CLEC2B: variants seen among roughly 807,000 people sequenced by gnomAD.
CLEC2B encodes C-type (calcium dependent, carbohydrate-recognition domain) lectin, superfamily member 2 (activation-induced).
CLEC2B carries 14 observed loss-of-function variants against 16.2 expected under a neutral mutation model. That is an observed-to-expected ratio of 0.86 (90% confidence interval 0.57 to 1.35). CLEC2B has a LOEUF of 1.35. CLEC2B is among the 40% of genes most tolerant of loss of function. The pLI, the probability that CLEC2B is intolerant of heterozygous loss-of-function variation, is 0.00. For synonymous variants in CLEC2B, 42 were observed against 55.8 expected, an observed-to-expected ratio of 0.75 and a Z score of 1.10; for missense variants, 166 against 182.3, an observed-to-expected ratio of 0.91 and a Z score of 0.52.
At chr12:9,857,401 T>A in intron 3 of CLEC2B, 73 bp downstream of exon 3, 1 of 1,150,146 alleles carries the variant, frequency 8.7e-7, no homozygotes, top group Non-Finnish European at 1.3e-6. Context: ...ACTTCAAGAT[T>A]ATAATGGTGT....
chr12:9,861,700 T>C (rs1867934163), intron 2 of CLEC2B, among the ~76,000 whole-genome samples: 1 of 152,100 alleles, frequency 6.6e-6, no homozygotes, highest in South Asian at 2.1e-4. Context: ...AAACATCCGC[T>C]AATACAGCCT....
At chr12:9,868,771 A>T (rs1867991273) in intron 1 of CLEC2B, among the ~76,000 whole-genome samples, 1 of 152,122 alleles carries the variant, frequency 6.6e-6, no homozygotes, top group Admixed American at 6.6e-5. Context: ...AAAGGGATAT[A>T]TTCTTTCCGT....
At chr12:9,856,188 T>C (rs560237763) in intron 3 of CLEC2B, among the ~76,000 whole-genome samples, 3 of 152,202 alleles carry the variant, frequency 2.0e-5, no homozygotes, top group South Asian at 2.1e-4. Context: ...AATATTCCTA[T>C]AGTGGACACA....
At chr12:9,865,633 T>C (rs1234956046) in intron 1 of CLEC2B, among the ~76,000 whole-genome samples, 5 of 152,174 alleles carry the variant, frequency 3.3e-5, no homozygotes, top group Admixed American at 3.3e-4. Context: ...ACAAGGAATA[T>C]TGGAGTTATA....
At chr12:9,853,460 A>G in intron 4 of CLEC2B, 52 bp from the exon 5 acceptor site, 3 of 1,453,084 alleles carry the variant, frequency 2.1e-6, no homozygotes, top group East Asian at 4.5e-5. Context: ...TTCCTTGCCC[A>G]TGGACACCTT....
intron 3 of CLEC2B, among the ~76,000 whole-genome samples, chr12:9,855,097 C>A (rs2136976885): frequency 6.6e-6 from 1 of 152,186 alleles, no homozygotes; most frequent in South Asian, 2.1e-4. Context: ...CCTTGCTTAA[C>A]CCTCGACCTT....
chr12:9,862,990 A>C (rs1867944791), intron 1 of CLEC2B, among the ~76,000 whole-genome samples: 1 of 152,170 alleles, frequency 6.6e-6, no homozygotes, highest in Admixed American at 6.6e-5. Flanking sequence ...GGACAGGCAG[A>C]GACAAAGTGG....
At chr12:9,854,349 A>T in intron 4 of CLEC2B, 32 bp downstream of exon 4, 1 of 1,470,058 alleles carries the variant, frequency 6.8e-7, no homozygotes, top group South Asian at 1.1e-5. Context: ...CACTATCTAA[A>T]TTTAAGTGAT....
At chr12:9,856,639 T>C (rs1474962679) in intron 3 of CLEC2B, among the ~76,000 whole-genome samples, 2 of 152,126 alleles carry the variant, frequency 1.3e-5, no homozygotes, top group Non-Finnish European at 2.9e-5. Context: ...GTGTTGACTC[T>C]TGTGCTATTC....
intron 4 of CLEC2B, 50 bp downstream of exon 4, chr12:9,854,331 G>C: frequency 2.4e-6 from 3 of 1,233,402 alleles, no homozygotes; most frequent in Non-Finnish European, 1.2e-6. Context: ...AAGTCCTAGA[G>C]AAGGCTGCAC....
chr12:9,864,917 T>C (rs1375663872), intron 1 of CLEC2B, among the ~76,000 whole-genome samples: 1 of 152,174 alleles, frequency 6.6e-6, no homozygotes, highest in Non-Finnish European at 1.5e-5. Flanking sequence ...GTGCAGTGGC[T>C]CACGCCTGTA....
chr12:9,853,483 C>T (rs1867867918), intron 4 of CLEC2B, 75 bp from the exon 5 acceptor site: 1 of 1,148,514 alleles, frequency 8.7e-7, no homozygotes, highest in African/African-American at 1.5e-5. Context: ...AACAAAAATT[C>T]TACTTGTCTA....
At chr12:9,861,021 C>A (rs751415163) in intron 2 of CLEC2B, among the ~76,000 whole-genome samples, 10 of 151,822 alleles carry the variant, frequency 6.6e-5, no homozygotes, top group Admixed American at 1.3e-4. Context: ...ATTTTTATGT[C>A]TTTGAAGTAA....
intron 1 of CLEC2B, among the ~76,000 whole-genome samples, chr12:9,868,463 C>A (rs1037905332): frequency 6.6e-6 from 1 of 152,006 alleles, no homozygotes; most frequent in South Asian, 2.1e-4. Flanking sequence ...TTTAGTTAAA[C>A]GGGAAATGCT....
In CLEC2B at chr12:9,852,432, G is replaced by A. The variant is rs1018669870; in HGVS notation, c.*868C>T. On this transcript the variant is annotated 3_prime_UTR_variant, in exon 5 of 5. Coordinates refer to ENST00000228438, the MANE Select transcript of CLEC2B (RefSeq NM_005127.3). ...TTTGAGGAGCTGGCAAGTTCTGATT[G>A]GTGTGTGACAGTGGTGGGTAAAACC... Among the ~76,000 whole-genome samples, 15 of 152,126 alleles carry A rather than the reference G, an allele frequency of 9.9e-5. No homozygotes were observed. Among genetic ancestry groups the A allele is most frequent in the African/African-American group, 3.6e-4 (15 of 41,414 alleles).
chr12:9,855,102 G>A (rs1246717315), intron 3 of CLEC2B, among the ~76,000 whole-genome samples: 1 of 151,584 alleles, frequency 6.6e-6, no homozygotes, highest in South Asian at 2.1e-4. Flanking sequence ...CTTAACCCTC[G>A]ACCTTTTTCT....
intron 4 of CLEC2B, among the ~76,000 whole-genome samples, 186 bp from the exon 5 acceptor site, chr12:9,853,594 T>C (rs534643049): frequency 6.6e-6 from 1 of 152,218 alleles, no homozygotes; most frequent in African/African-American, 2.4e-5. Flanking sequence ...AATTTGTACA[T>C]GTTAAACTGG....
At chr12:9,861,675 T>A (rs1867933912) in intron 2 of CLEC2B, among the ~76,000 whole-genome samples, 1 of 152,080 alleles carries the variant, frequency 6.6e-6, no homozygotes, top group Admixed American at 6.6e-5. Flanking sequence ...TACATAGCAG[T>A]GAATGCACTA....
chr12:9,857,366 TGCATAGATAG>T (rs1250511971), intron 3 of CLEC2B, 98 bp downstream of exon 3: 2 of 780,734 alleles, frequency 2.6e-6, no homozygotes, highest in Non-Finnish European at 4.1e-6. Context: ...TTCAATTTTC[TGCATAGATAG>T]GCATGAGTGA....
Sources: allele counts gnomAD v4.1 joint callset (sites outside exome capture counted in the v4.1 genomes callset), GRCh38; gene constraint gnomAD v4.1.1; transcripts MANE v1.5; gene names NCBI Gene and HGNC (gene_info 2026-07-23, HGNC 2026-07-21).